The following GREB1L variants were observed in gnomAD, a reference collection of about 807,000 sequenced individuals.
GREB1L encodes the protein GREB1-like protein.
A neutral mutation model predicts 200.8 loss-of-function variants in GREB1L; 17 were observed. The observed-to-expected ratio is 0.08, with a 90% CI of 0.06 to 0.13. The LOEUF is 0.13. GREB1L is among the 10% of genes least tolerant of loss of function. The pLI is 1.00. For synonymous variants in GREB1L, 789 were observed against 893.0 expected (o/e 0.88, Z 2.08); for missense variants, 1,657 against 2,367.7 (o/e 0.70, Z 6.23).
At chr18:21,393,502 G>A (rs1221109217) in intron 4 of GREB1L, among the ~76,000 whole-genome samples, 1 of 152,122 alleles carries the variant, frequency 6.6e-6, no homozygotes, top group Non-Finnish European at 1.5e-5. Context: ...TTGAGACAGA[G>A]CCTCGCTCTG....
At chr18:21,399,868 G>C (rs553207475) in intron 5 of GREB1L, among the ~76,000 whole-genome samples, 6 of 152,176 alleles carry the variant, frequency 3.9e-5, no homozygotes, top group Admixed American at 1.3e-4. Context: ...TGAATTGATG[G>C]TTAGCATTCT....
chr18:21,270,713 C>A (rs1190370689), intron 1 of GREB1L, among the ~76,000 whole-genome samples: 1 of 152,242 alleles, frequency 6.6e-6, no homozygotes, highest in Admixed American at 6.5e-5. Context: ...TTAGTTTACT[C>A]ATCAGTAGTC....
chr18:21,358,578 GT>G (rs748925906), intron 1 of GREB1L, among the ~76,000 whole-genome samples: 1 of 152,178 alleles, frequency 6.6e-6, no homozygotes, highest in Non-Finnish European at 1.5e-5. Context: ...GCCTCCCAAA[GT>G]GCTGGGATTA....
chr18:21,415,128 G>A (rs564507204), intron 7 of GREB1L, among the ~76,000 whole-genome samples: 1 of 152,256 alleles, frequency 6.6e-6, no homozygotes, highest in African/African-American at 2.4e-5. Context: ...AAAGAAGAGA[G>A]AAACCCACAG....
chr18:21,383,474 A>G, intron 2 of GREB1L, 36 bp from the exon 3 acceptor site: 2 of 1,441,278 alleles, frequency 1.4e-6, no homozygotes, highest in Non-Finnish European at 9.2e-7. Flanking sequence ...AATTATATCA[A>G]TTTTATCCTT....
At chr18:21,500,494 C>A in intron 22 of GREB1L, 46 bp from the exon 23 acceptor site, 1 of 1,362,688 alleles carries the variant, frequency 7.3e-7, no homozygotes, top group Non-Finnish European at 1.0e-6. Context: ...TTCTTCCCCT[C>A]TCTTTCCCGC....
At chr18:21,251,394 T>C (rs1184885004) in intron 1 of GREB1L, among the ~76,000 whole-genome samples, 2 of 152,216 alleles carry the variant, frequency 1.3e-5, no homozygotes, top group South Asian at 2.1e-4. Context: ...AGTTAACTGG[T>C]ATAGCTTGTC....
intron 4 of GREB1L, among the ~76,000 whole-genome samples, chr18:21,386,050 TGTATGGGAAG>T (rs1467492115): frequency 1.3e-4 from 20 of 151,814 alleles, no homozygotes; most frequent in Admixed American, 1.3e-3. Flanking sequence ...AATATGAGAG[TGTATGGGAAG>T]GGTAATATCA....
intron 1 of GREB1L, among the ~76,000 whole-genome samples, chr18:21,272,331 G>C (rs759367303): frequency 1.3e-5 from 2 of 152,196 alleles, no homozygotes; most frequent in African/African-American, 4.8e-5. Context: ...CATCAGCCAC[G>C]TTCCATTGTC....
chr18:21,516,505 G>A, intron 29 of GREB1L, 108 bp from the exon 30 acceptor site: 4 of 1,095,764 alleles, frequency 3.7e-6, no homozygotes, highest in Non-Finnish European at 5.1e-6. Flanking sequence ...AAGCATGGTT[G>A]ATTATTTTAG....
At chr18:21,250,882 C>G (rs1313311041) in intron 1 of GREB1L, among the ~76,000 whole-genome samples, 1 of 151,994 alleles carries the variant, frequency 6.6e-6, no homozygotes, top group Non-Finnish European at 1.5e-5. Context: ...TTTCTTCTTC[C>G]TTTTCTCTCC....
At chr18:21,283,826 G>T (rs1401688159) in intron 1 of GREB1L, among the ~76,000 whole-genome samples, 1 of 152,194 alleles carries the variant, frequency 6.6e-6, no homozygotes, top group African/African-American at 2.4e-5. Context: ...GATGGTAAGG[G>T]CAAGCCCAGG....
rs181951970 is a variant in GREB1L, at chr18:21,422,002, G to A, written c.833-17519G>A. ...CTCAAGGAGCTGTATGACCTAGTGG[G>A]AGAAACAAGAAGTTACAAACTACCA... On this transcript the variant is annotated intron_variant, in intron 7 of 32. Coordinates refer to ENST00000424526, the MANE Select transcript of GREB1L (RefSeq NM_001142966.3). 1.3e-4 allele frequency among the ~76,000 whole-genome samples: 20 copies of A among 152,308 alleles called. No homozygotes were observed. In the East Asian group the frequency reaches 3.7e-3, roughly 28 times the overall value.
chr18:21,258,646 TA>T (rs1189153575), intron 1 of GREB1L, among the ~76,000 whole-genome samples: 3 of 152,186 alleles, frequency 2.0e-5, no homozygotes, highest in Non-Finnish European at 2.9e-5. Context: ...ATCTTTTAAA[TA>T]AAGGATGGTA....
intron 23 of GREB1L, among the ~76,000 whole-genome samples, chr18:21,501,422 C>T (rs2145953874): frequency 6.6e-6 from 1 of 152,240 alleles, no homozygotes; most frequent in Non-Finnish European, 1.5e-5. Flanking sequence ...TTGCCCCTCA[C>T]CCATCCTGTG....
intron 1 of GREB1L, among the ~76,000 whole-genome samples, chr18:21,252,949 CTT>C (rs1440652599): frequency 6.6e-6 from 1 of 152,100 alleles, no homozygotes; most frequent in African/African-American, 2.4e-5. Context: ...GGGAGATTGA[CTT>C]TTATTTTATT....
At chr18:21,413,379 T>G (rs1398669289) in intron 7 of GREB1L, among the ~76,000 whole-genome samples, 1 of 152,210 alleles carries the variant, frequency 6.6e-6, no homozygotes, top group Admixed American at 6.6e-5. Flanking sequence ...TGTGTCCTCC[T>G]TTGGGCACTT....
At chr18:21,363,265 G>GC (rs1356372914) in intron 1 of GREB1L, among the ~76,000 whole-genome samples, 23 of 32,612 alleles carry the variant, frequency 7.1e-4, no homozygotes, top group African/African-American at 9.1e-4. Context: ...GGCTCCCCCT[G>GC]CCCCCACTCC....
chr18:21,369,270 T>C (rs922557141), intron 2 of GREB1L, among the ~76,000 whole-genome samples: 2 of 152,232 alleles, frequency 1.3e-5, no homozygotes, highest in Admixed American at 6.5e-5. Flanking sequence ...AGCCACACTT[T>C]GGAAGCATTT....
Sources: allele counts gnomAD v4.1 joint callset (sites outside exome capture counted in the v4.1 genomes callset), GRCh38; gene constraint gnomAD v4.1.1; transcripts MANE v1.5; gene names NCBI Gene and HGNC (gene_info 2026-07-23, HGNC 2026-07-21).